The following PALLD variants were observed in gnomAD, a reference collection of about 807,000 sequenced individuals.
PALLD encodes palladin, cytoskeletal associated protein, also known as palladin.
A neutral mutation model predicts 123.5 loss-of-function variants in PALLD; 61 were observed. That is an observed-to-expected ratio of 0.49 (90% CI 0.40 to 0.61). The LOEUF is 0.61. Ranked by LOEUF, PALLD falls within the 20% of genes least tolerant of loss-of-function variation. The probability of loss-of-function intolerance (pLI) is 0.00; values close to 1 mark genes in which losing one functional copy is unlikely to be tolerated. For synonymous variants in PALLD, 465 were observed against 496.4 expected, an observed-to-expected ratio of 0.94 and a Z score of 0.84; for missense variants, 1,273 against 1,377.0, an observed-to-expected ratio of 0.92 and a Z score of 1.20.
At chr4:168,819,849 C>T (rs950630053) in intron 10 of PALLD, among the ~76,000 whole-genome samples, 1 of 152,180 alleles carries the variant, frequency 6.6e-6, no homozygotes, top group Non-Finnish European at 1.5e-5. Context: ...TAAATGTAAT[C>T]TCATCCAACC....
rs531662331 is a variant in PALLD at position 168,864,845 on chromosome 4, C to T, written c.1965-26077C>T. Among the ~76,000 whole-genome samples, 9 of 152,298 alleles carry T rather than the reference C, an allele frequency of 5.9e-5. No individual in the cohort carries two copies. The South Asian group carries it at 1.9e-3, about 32-fold the overall frequency. On this transcript the variant is annotated intron_variant, in intron 10 of 21. Transcript: ENST00000505667. ...GCATTTTTATTGTATTGGAAACAGT[C>T]ACAGATACCATATTATAGAAAACTC...
chr4:168,819,327 TTGTGTGTGTGTG>T (rs3046003), intron 10 of PALLD, among the ~76,000 whole-genome samples: 3 of 148,828 alleles, frequency 2.0e-5, no homozygotes, highest in African/African-American at 4.9e-5. Context: ...CCGAGACCAT[TTGTGTGTGTGTG>T]TGTGTGTGTG....
intron 2 of PALLD, among the ~76,000 whole-genome samples, chr4:168,599,875 T>C (rs1772370117): frequency 6.6e-6 from 1 of 150,786 alleles, no homozygotes; most frequent in Non-Finnish European, 1.5e-5. Context: ...AAAAAGTAGT[T>C]TAAAACAGTG....
chr4:168,585,629 C>G (rs1770738668), intron 2 of PALLD, among the ~76,000 whole-genome samples: 1 of 151,764 alleles, frequency 6.6e-6, no homozygotes, highest in African/African-American at 2.4e-5. Flanking sequence ...TGAGTGTGCC[C>G]CTGGCCCCAT....
chr4:168,682,118 T>C (rs565722441), intron 4 of PALLD, among the ~76,000 whole-genome samples: 89 of 152,340 alleles, frequency 5.8e-4, no homozygotes, highest in Non-Finnish European at 1.0e-3. Flanking sequence ...TTAGATCTTG[T>C]ACCCGAAATT....
intron 8 of PALLD, among the ~76,000 whole-genome samples, chr4:168,695,069 C>T (rs546170417): frequency 1.3e-3 from 199 of 152,282 alleles, no homozygotes; most frequent in African/African-American, 4.6e-3. Flanking sequence ...AAATTAAAAA[C>T]ACAAAAACGC....
At chr4:168,726,974 G>A (rs1397871794) in intron 10 of PALLD, among the ~76,000 whole-genome samples, 2 of 152,166 alleles carry the variant, frequency 1.3e-5, no homozygotes, top group Non-Finnish European at 2.9e-5. Context: ...AGAACATGCA[G>A]TATTTGGTTT....
At chr4:168,597,268 C>T (rs1772086620) in intron 2 of PALLD, among the ~76,000 whole-genome samples, 1 of 152,048 alleles carries the variant, frequency 6.6e-6, no homozygotes, top group Non-Finnish European at 1.5e-5. Flanking sequence ...AATTTTAACA[C>T]TACCTAGAAT....
rs1252152845 is a variant in PALLD, at chr4:168,927,525, T to C, written c.*1345T>C. On this transcript the variant is annotated 3_prime_UTR_variant, in exon 22 of 22. Coordinates refer to ENST00000505667, the MANE Select transcript of PALLD (RefSeq NM_001166108.2). ...ATGGTGGCATAAATGAGAAATTGCC[T>C]GTAGCATCTAGTCTACTTGAAGGAA... 4.3e-6 allele frequency: 1 copy of C among 231,604 alleles called. No homozygotes were observed. The highest frequency in any genetic ancestry group is 2.2e-5 in the African/African-American group (1 of 45,290). The allele number at this position is 231,604 out of a possible 1,614,324, so 14.3% of individuals were successfully genotyped here.
chr4:168,817,671 T>A (rs1742167362), intron 10 of PALLD, among the ~76,000 whole-genome samples: 1 of 152,202 alleles, frequency 6.6e-6, no homozygotes, highest in Non-Finnish European at 1.5e-5. Flanking sequence ...AACAAAGATT[T>A]GGAAGGAGAA....
At chr4:168,756,231 A>T (rs1315881196) in intron 10 of PALLD, 1 of 191,172 alleles carries the variant, frequency 5.2e-6, no homozygotes, top group East Asian at 1.7e-4. Context: ...AAGCCCAGAA[A>T]GATGAGTTCA....
At chr4:168,832,163 A>G (rs1384245001) in intron 10 of PALLD, 1 of 985,370 alleles carries the variant, frequency 1.0e-6, no homozygotes, top group Non-Finnish European at 1.2e-6. Context: ...GGCGGCCCGG[A>G]GAGCCGAGGT....
intron 2 of PALLD, among the ~76,000 whole-genome samples, chr4:168,557,389 A>C (rs1767432558): frequency 6.6e-6 from 1 of 152,162 alleles, no homozygotes; most frequent in Non-Finnish European, 1.5e-5. Flanking sequence ...AGTTCCATGC[A>C]TCTGAGAATA....
intron 10 of PALLD, among the ~76,000 whole-genome samples, chr4:168,890,643 G>C (rs576644851): frequency 6.6e-6 from 1 of 151,250 alleles, no homozygotes; most frequent in African/African-American, 2.4e-5. Context: ...CTGCCGCCTC[G>C]CTAAGACTTA....
At chr4:168,625,042 T>C (rs1339215624) in intron 2 of PALLD, among the ~76,000 whole-genome samples, 2 of 152,122 alleles carry the variant, frequency 1.3e-5, no homozygotes, top group African/African-American at 2.4e-5. Flanking sequence ...GTTTCTATTA[T>C]TGTTTACTCT....
intron 10 of PALLD, among the ~76,000 whole-genome samples, chr4:168,804,716 T>C (rs936647058): frequency 7.2e-5 from 11 of 152,356 alleles, no homozygotes; most frequent in Admixed American, 2.0e-4. Flanking sequence ...GTAAATATTA[T>C]AGTTTGATCC....
chr4:168,574,060 T>C (rs1433221811), intron 2 of PALLD, among the ~76,000 whole-genome samples: 1 of 151,990 alleles, frequency 6.6e-6, no homozygotes, highest in Non-Finnish European at 1.5e-5. Flanking sequence ...TTAAGCATAA[T>C]ACTAGCATAA....
chr4:168,741,600 C>T (rs1158866951), intron 10 of PALLD, among the ~76,000 whole-genome samples: 1 of 152,130 alleles, frequency 6.6e-6, no homozygotes, highest in Non-Finnish European at 1.5e-5. Flanking sequence ...TGGAGGATCA[C>T]TTGAGTCCAG....
chr4:168,589,787 C>T (rs1771215982), intron 2 of PALLD, among the ~76,000 whole-genome samples: 1 of 152,184 alleles, frequency 6.6e-6, no homozygotes, highest in Non-Finnish European at 1.5e-5. Context: ...CTGCCCAGTG[C>T]CAGACTGGAA....
Sources: gnomAD v4.1 joint callset for allele counts (sites outside exome capture counted in the v4.1 genomes callset) on GRCh38, gnomAD v4.1.1 for gene constraint, MANE v1.5 for transcripts, NCBI Gene and HGNC (gene_info 2026-07-23, HGNC 2026-07-21) for gene names.